OTUD7A: variants seen among roughly 807,000 people sequenced by gnomAD.
OTUD7A encodes the protein OTU deubiquitinase 7A, also known as OTU domain-containing protein 7A.
Under a neutral mutation model 65.7 loss-of-function variants are expected in OTUD7A, and 12 were observed. The observed-to-expected ratio is 0.18, with a 90% CI of 0.12 to 0.30. OTUD7A has a LOEUF of 0.30. OTUD7A is among the 10% of genes least tolerant of loss of function. The pLI, the probability that OTUD7A is intolerant of heterozygous loss-of-function variation, is 1.00. For synonymous variants in OTUD7A, 641 were observed against 586.3 expected (o/e 1.09, Z -1.35); for missense variants, 1,148 against 1,304.8 (o/e 0.88, Z 1.85).
At chr15:31,506,069 T>A (rs1489315743) in intron 8 of OTUD7A, among the ~76,000 whole-genome samples, 1 of 152,054 alleles carries the variant, frequency 6.6e-6, no homozygotes, top group Non-Finnish European at 1.5e-5. Flanking sequence ...CGAATTAATG[T>A]TTTATTATTT....
At chr15:31,510,354 C>G (rs59405466) in intron 8 of OTUD7A, among the ~76,000 whole-genome samples, 58,411 of 150,598 alleles carry the variant, frequency 0.39, 11,673 homozygotes, top group East Asian at 0.47. Flanking sequence ...GCCTGGCTGT[C>G]TGGCGTCATG....
chr15:31,523,723 A>T (rs1418763769), intron 8 of OTUD7A, among the ~76,000 whole-genome samples: 3 of 152,110 alleles, frequency 2.0e-5, no homozygotes, highest in Non-Finnish European at 4.4e-5. Flanking sequence ...GGTGTCAGAA[A>T]CTCAACCCTG....
At chr15:31,612,679 T>C (rs550415078) in intron 3 of OTUD7A, among the ~76,000 whole-genome samples, 4 of 152,316 alleles carry the variant, frequency 2.6e-5, no homozygotes, top group African/African-American at 9.6e-5. Context: ...CCCATGCTCA[T>C]GGATAGGTAG....
intron 4 of OTUD7A, among the ~76,000 whole-genome samples, chr15:31,567,516 TG>T (rs34159168): frequency 0.33 from 50,315 of 152,102 alleles, 11,029 homozygotes; most frequent in African/African-American, 0.63. Context: ...CCTAGCCATG[TG>T]GCAAAGAAAG....
At chr15:31,802,266 TG>T (rs766771510) in intron 1 of OTUD7A, among the ~76,000 whole-genome samples, 12 of 151,952 alleles carry the variant, frequency 7.9e-5, no homozygotes, top group Non-Finnish European at 1.6e-4. Flanking sequence ...CTGAAGAACT[TG>T]GGAGTCCAGT....
At chr15:31,652,533 AGACT>A (rs1244124965) in intron 3 of OTUD7A, among the ~76,000 whole-genome samples, 1 of 152,252 alleles carries the variant, frequency 6.6e-6, no homozygotes, top group African/African-American at 2.4e-5. Flanking sequence ...CCCTGTTAAG[AGACT>A]GAAAAGTCAA....
intron 1 of OTUD7A, among the ~76,000 whole-genome samples, chr15:31,780,386 T>A (rs1342064387): frequency 6.6e-6 from 1 of 152,230 alleles, no homozygotes; most frequent in Admixed American, 6.5e-5. Context: ...ATAGATTAAA[T>A]TTCTGATTTA....
intron 1 of OTUD7A, among the ~76,000 whole-genome samples, chr15:31,719,986 T>C (rs991740928): frequency 3.5e-4 from 54 of 152,352 alleles, no homozygotes; most frequent in African/African-American, 1.3e-3. Context: ...TCAATATATA[T>C]GACACATATA....
chr15:31,576,510 G>A (rs1889207656), intron 3 of OTUD7A, among the ~76,000 whole-genome samples: 1 of 152,136 alleles, frequency 6.6e-6, no homozygotes, highest in Non-Finnish European at 1.5e-5. Flanking sequence ...GAAGCCCCCA[G>A]GTCAAGTTGT....
At position 31,715,845 on chromosome 15, in the gene OTUD7A, C is replaced by G. The variant is rs1048623126; in HGVS notation, c.-99-58768G>C. The stretch of plus-strand genomic sequence containing the variant: ...AAGTGACCCTTTCTTGAAGGGTACA[C>G]TGCTATTTCCATTCAAGAAAATTCT... On this transcript the variant is annotated intron_variant, in intron 1 of 12. Transcript: ENST00000307050. Among the ~76,000 whole-genome samples the G allele has an allele frequency of 6.4e-4, 39 of 60,716 alleles. 3 individuals are homozygous for G. The highest frequency in any genetic ancestry group is 1.4e-3 in the African/African-American group (38 of 26,700). The allele number at this position is 60,716 out of a possible 152,430, so 39.8% of individuals were successfully genotyped here. A position where few individuals can be genotyped will look rare whatever the true frequency, so the allele number is the denominator to read the frequency against.
intron 1 of OTUD7A, among the ~76,000 whole-genome samples, chr15:31,839,534 C>CA (rs1897134402): frequency 1.3e-5 from 2 of 152,160 alleles, no homozygotes; most frequent in Admixed American, 1.3e-4. Context: ...CATATCCTGC[C>CA]AAAGACACAC....
At chr15:31,695,208 A>T (rs1017438699) in intron 1 of OTUD7A, among the ~76,000 whole-genome samples, 2 of 109,728 alleles carry the variant, frequency 1.8e-5, no homozygotes, top group African/African-American at 2.6e-5. Flanking sequence ...TGTCTTGGCT[A>T]TTGTGGATAG....
intron 3 of OTUD7A, among the ~76,000 whole-genome samples, chr15:31,623,233 G>T (rs1177191062): frequency 6.6e-6 from 1 of 152,240 alleles, no homozygotes; most frequent in Admixed American, 6.5e-5. Flanking sequence ...TGAGAAAGCA[G>T]TCTGTCTGTT....
chr15:31,647,930 T>G lies in OTUD7A; in HGVS notation c.151+7166A>C, dbSNP rs1204254590. Among the ~76,000 whole-genome samples, 6 of 150,402 alleles carry G rather than the reference T, an allele frequency of 4.0e-5. No individual in the cohort carries two copies. The East Asian group carries it at 1.2e-3, about 30-fold the overall frequency. ...ATGGGCGGAGGCAGAAGCACAGAGG[T>G]GGGTGTCAAGTCAGGGAAAGGGATG... On this transcript the variant is annotated intron_variant, in intron 3 of 12. Coordinates refer to ENST00000307050, the MANE Select transcript of OTUD7A (RefSeq NM_001382637.1).
intron 3 of OTUD7A, among the ~76,000 whole-genome samples, chr15:31,585,952 C>T (rs570308569): frequency 4.6e-4 from 70 of 152,186 alleles, no homozygotes; most frequent in Admixed American, 5.9e-4. Flanking sequence ...TGTTATGATA[C>T]CATTCATGCA....
rs565600719 is a variant in OTUD7A, at chr15:31,716,873, G to A, written c.-99-59796C>T. On this transcript the variant is annotated intron_variant, in intron 1 of 12. Transcript: ENST00000307050. The stretch of plus-strand genomic sequence containing the variant: ...GGATGAGCCACAAAGCCTGTGGCCT[G>A]TGGGGCCGTCACACATCCTGCTCGA... Among the ~76,000 whole-genome samples the A allele has an allele frequency of 2.6e-5, 4 of 152,344 alleles. No homozygotes were observed. The East Asian group carries it at 7.7e-4, about 29-fold the overall frequency.
rs148882105 is a variant in OTUD7A at position 31,656,300 on chromosome 15, C to T, written c.-5+683G>A. ...GTGCTCAATCTTTGCCGGTGGAGTG[C>T]AAATGCATCCTTGTGTTTGTGTAGA... On this transcript the variant is annotated intron_variant, in intron 2 of 12. Transcript: ENST00000307050. 1.6e-4 allele frequency among the ~76,000 whole-genome samples: 24 copies of T among 152,350 alleles called. No individual in the cohort carries two copies. In the East Asian group the frequency reaches 2.7e-3, roughly 17 times the overall value.
At chr15:31,697,713 G>C (rs950053981) in intron 1 of OTUD7A, among the ~76,000 whole-genome samples, 2 of 152,224 alleles carry the variant, frequency 1.3e-5, no homozygotes, top group Non-Finnish European at 2.9e-5. Context: ...GGGCTAGCTA[G>C]CATGCACACC....
At chr15:31,665,586 A>C (rs773160191) in intron 1 of OTUD7A, among the ~76,000 whole-genome samples, 5 of 152,188 alleles carry the variant, frequency 3.3e-5, no homozygotes, top group Non-Finnish European at 7.3e-5. Flanking sequence ...TTTTCAAGGT[A>C]AACAATCATA....
Sources: gnomAD v4.1 joint callset for allele counts (sites outside exome capture counted in the v4.1 genomes callset) on GRCh38, gnomAD v4.1.1 for gene constraint, MANE v1.5 for transcripts, NCBI Gene and HGNC (gene_info 2026-07-23, HGNC 2026-07-21) for gene names.